The following TET2 variants were observed in gnomAD, a reference collection of about 807,000 sequenced individuals.
TET2 encodes tet methylcytosine dioxygenase 2.
A neutral mutation model predicts 142.9 loss-of-function variants in TET2; 299 were observed. The observed-to-expected ratio is 2.09, with a 90% CI of 1.90 to 2.30. The LOEUF (loss-of-function observed/expected upper bound fraction) is 2.30. TET2 is among the 30% of genes most tolerant of loss of function. TET2 has a pLI of 0.00. For missense variants in TET2, 2,418 were observed against 2,378.0 expected, an observed-to-expected ratio of 1.02 and a Z score of -0.35; for synonymous variants, 819 against 849.0, an observed-to-expected ratio of 0.96 and a Z score of 0.61.
At chr4:105,187,279 CAG>C (rs1431265198) in intron 1 of TET2, among the ~76,000 whole-genome samples, 3 of 152,102 alleles carry the variant, frequency 2.0e-5, no homozygotes, top group South Asian at 2.1e-4. Flanking sequence ...AAACAGAAAA[CAG>C]AAGGTAAAAA....
intron 1 of TET2, among the ~76,000 whole-genome samples, chr4:105,152,823 C>T (rs1295059626): frequency 6.6e-6 from 1 of 152,106 alleles, no homozygotes; most frequent in Non-Finnish European, 1.5e-5. Context: ...TCTCGTACTC[C>T]TGGTCTCAGG....
chr4:105,268,335 A>G (rs934687339), intron 8 of TET2, among the ~76,000 whole-genome samples: 2 of 152,188 alleles, frequency 1.3e-5, no homozygotes, highest in African/African-American at 2.4e-5. Flanking sequence ...ACATTTGACA[A>G]AAATGTATAA....
intron 1 of TET2, among the ~76,000 whole-genome samples, chr4:105,159,997 C>T (rs943036299): frequency 6.6e-6 from 1 of 151,084 alleles, no homozygotes; most frequent in Non-Finnish European, 1.5e-5. Flanking sequence ...AACGAGACTC[C>T]GTCTCAGAAA....
intron 2 of TET2, among the ~76,000 whole-genome samples, chr4:105,209,902 C>T (rs1727060082): frequency 1.3e-5 from 2 of 151,944 alleles, no homozygotes; most frequent in Admixed American, 6.6e-5. Flanking sequence ...GGTTATCCAG[C>T]AATGAGATGG....
intron 2 of TET2, among the ~76,000 whole-genome samples, chr4:105,233,470 G>C (rs1022628211): frequency 6.6e-6 from 1 of 151,116 alleles, no homozygotes; most frequent in Non-Finnish European, 1.5e-5. Flanking sequence ...TGGCAGTCAA[G>C]ATGATTAAAG....
intron 2 of TET2, among the ~76,000 whole-genome samples, chr4:105,191,943 CT>C (rs1394192562): frequency 6.6e-6 from 1 of 152,102 alleles, no homozygotes; most frequent in Non-Finnish European, 1.5e-5. Flanking sequence ...CCCTCTCATG[CT>C]GGAAAATCTT....
chr4:105,166,228 A>G (rs1724142219), intron 1 of TET2, among the ~76,000 whole-genome samples: 3 of 152,276 alleles, frequency 2.0e-5, no homozygotes, highest in South Asian at 4.1e-4. Context: ...GCTTGTTCTA[A>G]GGATGCTACT....
Position 105,235,909 on chromosome 4 carries a change from CCT to C in TET2, c.1969_1970del (p.Ser657ThrfsTer23). On this transcript the variant is annotated frameshift_variant, in exon 3 of 11. Transcript: ENST00000380013. LOFTEE classifies it high-confidence loss of function. ...GACCAACATCTCCAGTTCCAAAAAC[CCT>C]CACACCAGGTGCACTTCTCCAAAAC... 6.2e-7 allele frequency: 1 copy of C among 1,614,078 alleles called. No individual in the cohort carries two copies. The highest frequency in any genetic ancestry group is 8.5e-7 in the Non-Finnish European group (1 of 1,180,018).
At position 105,236,721 on chromosome 4, in the gene TET2, G is replaced by A. The variant is rs771044092; in HGVS notation, c.2779G>A (p.Val927Ile). 5 of 1,614,062 alleles carry A rather than the reference G, an allele frequency of 3.1e-6. No homozygotes were observed. The Admixed American group carries it at 5.0e-5, about 16-fold the overall frequency. ...QRYLIHNHAN[V>I]FPVPDQGGSH... ...GTACTTGATACATAACCATGCAAATGTTTTTCCTGTGCCTGACCAGGGAGG... is the reference window on the plus strand; with the variant it reads ...GTACTTGATACATAACCATGCAAATATTTTTCCTGTGCCTGACCAGGGAGG... Residue 927 changes from valine (V) to isoleucine (I), a missense_variant, in exon 3 of 11, where the codon GTT (valine) becomes ATT (isoleucine). Val to Ile is a conservative substitution (Grantham distance 29). Transcript: ENST00000380013.
intron 6 of TET2, among the ~76,000 whole-genome samples, chr4:105,244,591 T>C (rs1397803955): frequency 2.7e-4 from 19 of 71,398 alleles, no homozygotes; most frequent in Admixed American, 7.1e-4. Flanking sequence ...GAAATGTTTT[T>C]TTTTTTTTTT....
At position 105,259,657 on chromosome 4, in the gene TET2, G is replaced by C; in HGVS notation, c.3842G>C (p.Cys1281Ser). ...CACQGLDPET[C>S]GASFSFGCSW... The stretch of plus-strand genomic sequence containing the variant: ...TGTCAGGGGCTGGATCCAGAAACCT[G>C]TGGTGCCTCCTTCTCTTTTGGTTGT... Residue 1281 changes from cysteine to serine, a missense_variant, in exon 7 of 11, where the codon TGT becomes TCT. Coordinates refer to ENST00000380013, the MANE Select transcript of TET2 (RefSeq NM_001127208.3). The C allele has an allele frequency of 6.4e-7, 1 of 1,551,110 alleles. No individual in the cohort carries two copies. The highest frequency in any genetic ancestry group is 8.7e-7 in the Non-Finnish European group (1 of 1,146,534).
At chr4:105,197,435 G>T (rs1331879090) in intron 2 of TET2, among the ~76,000 whole-genome samples, 1 of 152,128 alleles carries the variant, frequency 6.6e-6, no homozygotes, top group African/African-American at 2.4e-5. Context: ...GCAGTTTTTG[G>T]TTGTGTTCTG....
At chr4:105,192,928 C>T (rs187360709) in intron 2 of TET2, among the ~76,000 whole-genome samples, 2 of 152,180 alleles carry the variant, frequency 1.3e-5, no homozygotes, top group Admixed American at 1.3e-4. Context: ...AAAAACAAGC[C>T]ATGAAGTTAT....
chr4:105,243,564 ACGCAGGT>A lies in TET2; in HGVS notation c.3595-5_3596del. ...GGTGTTTGGGATGGAATGGTGATCC[ACGCAGGT>A]GGTTCGCAGAAGCAGCAGTGAAGAG... is the stretch of plus-strand genomic sequence containing the variant. On this transcript the variant is annotated splice_acceptor_variant and splice_polypyrimidine_tract_variant and coding_sequence_variant and intron_variant, in exon 6 of 11. Coordinates refer to ENST00000380013, the MANE Select transcript of TET2 (RefSeq NM_001127208.3). LOFTEE classifies it high-confidence loss of function. The A allele has an allele frequency of 6.4e-7, 1 of 1,551,518 alleles. No individual in the cohort carries two copies. Among genetic ancestry groups the A allele is most frequent in the Non-Finnish European group, 8.7e-7 (1 of 1,146,890 alleles).
Position 105,234,214 on chromosome 4 carries a change from AT to A in TET2, c.273del (p.Asn91LysfsTer4). The A allele has an allele frequency of 6.2e-7, 1 of 1,614,176 alleles. No individual in the cohort carries two copies. Among genetic ancestry groups the A allele is most frequent in the Non-Finnish European group, 8.5e-7 (1 of 1,180,006 alleles). On this transcript the variant is annotated frameshift_variant, in exon 3 of 11. Transcript: ENST00000380013. LOFTEE classifies it high-confidence loss of function. ...AGAGGGTATTCCAAGTGTTTGCAAA[AT>A]GGAGGAATAAAACGCACAGTTAGTG... is the stretch of plus-strand genomic sequence containing the variant. ...ESRGYSKCLQ[N>X]GGIKRTVSEP...
At chr4:105,209,049 G>GTATATATTTA in intron 2 of TET2, among the ~76,000 whole-genome samples, 1 of 44,354 alleles carries the variant, frequency 2.3e-5, no homozygotes, top group South Asian at 1.5e-3. Context: ...TCAAGGCATG[G>GTATATATTTA]TATATATATA....
intron 7 of TET2, among the ~76,000 whole-genome samples, chr4:105,261,284 T>C (rs910342080): frequency 2.2e-4 from 34 of 152,156 alleles, no homozygotes; most frequent in African/African-American, 8.2e-4. Flanking sequence ...TGAAGCATTT[T>C]ATCCATATTT....
At chr4:105,207,494 T>C (rs1726898261) in intron 2 of TET2, among the ~76,000 whole-genome samples, 1 of 152,100 alleles carries the variant, frequency 6.6e-6, no homozygotes, top group Non-Finnish European at 1.5e-5. Flanking sequence ...GGAGGGAGTT[T>C]TAAAAGACAA....
At chr4:105,187,876 G>GA (rs1725548708) in intron 1 of TET2, among the ~76,000 whole-genome samples, 1 of 152,142 alleles carries the variant, frequency 6.6e-6, no homozygotes, top group South Asian at 2.1e-4. Flanking sequence ...TGCGGATATG[G>GA]AAAAATTGGA....
Sources: gnomAD v4.1 joint callset for allele counts (sites outside exome capture counted in the v4.1 genomes callset) on GRCh38, gnomAD v4.1.1 for gene constraint, MANE v1.5 for transcripts, NCBI Gene and HGNC (gene_info 2026-07-23, HGNC 2026-07-21) for gene names.